Variants in ARHGEF10L observed in about 807,000 individuals in gnomAD.
ARHGEF10L encodes rho guanine nucleotide exchange factor 10-like protein.
In ARHGEF10L, 69 loss-of-function variants were observed where a neutral mutation model predicts 141.2. The observed-to-expected ratio is 0.49, with a 90% CI of 0.40 to 0.60. The LOEUF (loss-of-function observed/expected upper bound fraction) is 0.60, where lower values mean the gene tolerates loss of function less well. ARHGEF10L is among the 20% of genes least tolerant of loss of function. The pLI is 0.00. For synonymous variants in ARHGEF10L, 711 were observed against 718.5 expected (o/e 0.99, Z 0.17); for missense variants, 1,482 against 1,734.3 (o/e 0.85, Z 2.58).
At chr1:17,668,466 C>G (rs527512256) in intron 26 of ARHGEF10L, among the ~76,000 whole-genome samples, 1 of 152,114 alleles carries the variant, frequency 6.6e-6, no homozygotes, top group African/African-American at 2.4e-5. Flanking sequence ...GAGCTCAGCT[C>G]TGGCGTGACC....
At chr1:17,528,700 C>G in the ARHGEF10L span, among the ~76,000 whole-genome samples, 1 of 152,158 alleles carries the variant, frequency 6.6e-6, no homozygotes, top group Non-Finnish European at 1.5e-5. Flanking sequence ...ATTCTGGAGA[C>G]ACAACTCTGT....
intron 27 of ARHGEF10L, chr1:17,694,288 T>G (rs2065324933): frequency 6.5e-6 from 1 of 154,154 alleles, no homozygotes; most frequent in Non-Finnish European, 1.4e-5. Flanking sequence ...CTTGGCCCCT[T>G]TTACAAGTGA....
In ARHGEF10L at chr1:17,539,753, C is replaced by T. The variant is rs1160983399; in HGVS notation, c.-241C>T. ...GGCCTCGGAGCGCGGCGGGCGCGGG[C>T]GCAGTCCCGGCGGGCCCGGACCTCG... On this transcript the variant is annotated 5_prime_UTR_variant, in exon 1 of 29. Coordinates refer to ENST00000361221, the MANE Select transcript of ARHGEF10L (RefSeq NM_018125.4). This position sits in a 1 kb window ranked among gnomAD's most constrained non-coding sequence, Gnocchi z 6.0. 2 of 146,014 alleles carry T rather than the reference C, an allele frequency of 1.4e-5. No individual in the cohort carries two copies. The highest frequency in any genetic ancestry group is 3.1e-5 in the Non-Finnish European group (2 of 65,540). The allele number at this position is 146,014 out of a possible 1,614,324, so 9.0% of individuals were successfully genotyped here.
intron 1 of ARHGEF10L, among the ~76,000 whole-genome samples, chr1:17,578,041 A>C (rs185674346): frequency 3.9e-5 from 6 of 152,304 alleles, no homozygotes; most frequent in Non-Finnish European, 5.9e-5. Context: ...CCCAGGGTAG[A>C]GTAGCAGCCT....
the ARHGEF10L span, among the ~76,000 whole-genome samples, chr1:17,516,702 G>A: frequency 6.6e-6 from 1 of 152,266 alleles, no homozygotes; most frequent in South Asian, 2.1e-4. Flanking sequence ...TCAAGGCTAG[G>A]GGGTGGGAGG....
intron 1 of ARHGEF10L, among the ~76,000 whole-genome samples, chr1:17,555,232 A>G (rs1467518868): frequency 4.0e-5 from 6 of 151,230 alleles, no homozygotes; most frequent in Admixed American, 3.9e-4. Context: ...GTGGTTTTCC[A>G]TTGTTCTTTG....
chr1:17,581,071 T>C (rs1242177301), intron 2 of ARHGEF10L, among the ~76,000 whole-genome samples: 1 of 151,676 alleles, frequency 6.6e-6, no homozygotes, highest in Non-Finnish European at 1.5e-5. Flanking sequence ...TCCCAGCACT[T>C]TGGGAGGCCG....
intron 1 of ARHGEF10L, among the ~76,000 whole-genome samples, chr1:17,549,311 C>T (rs61764871): frequency 6.2e-4 from 95 of 152,300 alleles, no homozygotes; most frequent in African/African-American, 1.3e-3. Context: ...GTGTGAGCCA[C>T]GGTGCCCAGC....
the ARHGEF10L span, among the ~76,000 whole-genome samples, chr1:17,527,870 C>CT: frequency 0.16 from 3,271 of 20,982 alleles, 140 homozygotes; most frequent in African/African-American, 0.28. Flanking sequence ...TCTTTCTTTT[C>CT]TTTTTTTTTT....
Position 17,619,202 on chromosome 1 carries a change from C to G in ARHGEF10L, c.836-137C>G. ...GAAGGAGCTACCGGGCGGCTCTAAC[C>G]CCACGGGGCCCCAGGAGCTGCTTGC... On this transcript the variant is annotated intron_variant, in intron 9 of 28. Coordinates refer to ENST00000361221, the MANE Select transcript of ARHGEF10L (RefSeq NM_018125.4). This position sits in a 1 kb window ranked among gnomAD's most constrained non-coding sequence, Gnocchi z 5.0. 1 of 770,866 alleles carries G rather than the reference C, an allele frequency of 1.3e-6. No homozygotes were observed. The highest frequency in any genetic ancestry group is 2.8e-5 in the East Asian group (1 of 35,660). 47.8% of individuals were successfully genotyped at this position (770,866 alleles called of 1,614,324 possible). A position where few individuals can be genotyped will look rare whatever the true frequency, so the allele number is the denominator to read the frequency against.
intron 22 of ARHGEF10L, 138 bp downstream of exon 22, chr1:17,648,813 C>G: frequency 7.7e-7 from 1 of 1,296,706 alleles, no homozygotes; most frequent in South Asian, 1.7e-5. Flanking sequence ...TTCTTACTGA[C>G]AGATTTGGTC....
intron 27 of ARHGEF10L, chr1:17,691,063 A>C (rs871088): frequency 2.3e-6 from 1 of 443,132 alleles, no homozygotes; most frequent in Non-Finnish European, 4.5e-6. Context: ...TTCCACTCGC[A>C]TACTCGACTG....
the ARHGEF10L span, among the ~76,000 whole-genome samples, chr1:17,524,827 C>T: frequency 6.6e-6 from 1 of 152,158 alleles, no homozygotes; most frequent in Non-Finnish European, 1.5e-5. Context: ...AAGCAGTGAA[C>T]AGGTTTGGAG....
intron 15 of ARHGEF10L, among the ~76,000 whole-genome samples, chr1:17,630,112 T>C (rs2060595975): frequency 1.3e-5 from 2 of 152,188 alleles, no homozygotes; most frequent in Non-Finnish European, 1.5e-5. Context: ...CACCCTGGGC[T>C]TCCCCCTCCA....
chr1:17,568,933 C>T (rs987425538), intron 1 of ARHGEF10L, among the ~76,000 whole-genome samples: 9 of 152,168 alleles, frequency 5.9e-5, no homozygotes, highest in African/African-American at 2.2e-4. Context: ...CTGTCCCCTT[C>T]CCACAGCCCC....
At chr1:17,614,629 G>A (rs1374955082) in intron 8 of ARHGEF10L, among the ~76,000 whole-genome samples, 6 of 151,398 alleles carry the variant, frequency 4.0e-5, no homozygotes. Flanking sequence ...AGAAGAAGAT[G>A]AGCGTCTATG....
chr1:17,517,046 C>T, the ARHGEF10L span, among the ~76,000 whole-genome samples: 7 of 152,124 alleles, frequency 4.6e-5, no homozygotes, highest in Admixed American at 3.3e-4. Context: ...GTGCAAAGGT[C>T]GGCAGCCTCC....
chr1:17,535,835 C>T (rs1032853809), upstream of ARHGEF10L, among the ~76,000 whole-genome samples: 5 of 152,176 alleles, frequency 3.3e-5, no homozygotes, highest in African/African-American at 9.7e-5. Flanking sequence ...ATATTTGTCT[C>T]GTGTCTATGC....
At chr1:17,670,043 G>A (rs1267415588) in intron 26 of ARHGEF10L, among the ~76,000 whole-genome samples, 1 of 152,262 alleles carries the variant, frequency 6.6e-6, no homozygotes, top group Non-Finnish European at 1.5e-5. Flanking sequence ...GAGTTGGTGT[G>A]TGACTATGAA....
Sources: allele counts gnomAD v4.1 joint callset (sites outside exome capture counted in the v4.1 genomes callset), GRCh38; gene constraint gnomAD v4.1.1; non-coding constraint Gnocchi (gnomAD v3.1); transcripts MANE v1.5; gene names NCBI Gene and HGNC (gene_info 2026-07-23, HGNC 2026-07-21).